AKR7A3: variants seen among roughly 807,000 people sequenced by gnomAD.
The protein encoded by AKR7A3 is aldo-keto reductase family 7 member A3, also known as AFB1 aldehyde reductase 2.
A neutral mutation model predicts 32.5 loss-of-function variants in AKR7A3; 37 were observed. That is an observed-to-expected ratio of 1.14 (90% CI 0.88 to 1.50). The LOEUF (loss-of-function observed/expected upper bound fraction) is 1.50, where lower values mean the gene tolerates loss of function less well. Ranked by LOEUF, AKR7A3 falls within the 40% of genes most tolerant of loss-of-function variation. The probability of loss-of-function intolerance (pLI) is 0.00; values close to 1 mark genes in which losing one functional copy is unlikely to be tolerated. For missense variants in AKR7A3, 412 were observed against 453.2 expected (o/e 0.91, Z 0.83); for synonymous variants, 177 against 188.4 (o/e 0.94, Z 0.50).
intron 1 of AKR7A3, among the ~76,000 whole-genome samples, chr1:19,287,395 G>A (rs535449911): frequency 3.0e-4 from 45 of 151,620 alleles, no homozygotes; most frequent in Admixed American, 1.2e-3. Context: ...TGGGATGCAC[G>A]CACAGGCCAG....
the AKR7A3 span, among the ~76,000 whole-genome samples, chr1:19,274,744 G>C: frequency 6.7e-6 from 1 of 150,112 alleles, no homozygotes; most frequent in Admixed American, 6.6e-5. Context: ...CCAGGAGTTT[G>C]AATCCAGCCT....
At chr1:19,288,456 C>T (rs2093734923) in intron 1 of AKR7A3, 40 bp downstream of exon 1, 1 of 1,602,134 alleles carries the variant, frequency 6.2e-7, no homozygotes, top group Non-Finnish European at 8.5e-7. Flanking sequence ...ACAGGCTCAG[C>T]TCTGCACCGT....
the AKR7A3 span, among the ~76,000 whole-genome samples, chr1:19,276,589 G>A: frequency 2.6e-5 from 4 of 151,160 alleles, no homozygotes; most frequent in South Asian, 8.4e-4. Flanking sequence ...ATCACTTGAG[G>A]TCAGGCGTTC....
intron 6 of AKR7A3, 61 bp from the exon 7 acceptor site, chr1:19,282,953 C>A (rs1774084): frequency 3.8e-6 from 6 of 1,590,008 alleles, no homozygotes; most frequent in Non-Finnish European, 4.3e-6. Flanking sequence ...TACTCACAGC[C>A]GTCCCAGCCA....
chr1:19,278,266 A>T (rs977711524), downstream of AKR7A3, among the ~76,000 whole-genome samples: 2 of 151,768 alleles, frequency 1.3e-5, no homozygotes, highest in Non-Finnish European at 2.9e-5. Flanking sequence ...TTTTTTAAAA[A>T]CAACTGTATT....
At chr1:19,288,277 G>A (rs1316463703) in intron 1 of AKR7A3, among the ~76,000 whole-genome samples, 1 of 151,714 alleles carries the variant, frequency 6.6e-6, no homozygotes, top group African/African-American at 2.4e-5. Flanking sequence ...CGGAAGAGAA[G>A]AGAGACGAAC....
downstream of AKR7A3, among the ~76,000 whole-genome samples, chr1:19,281,057 G>A (rs550514779): frequency 2.5e-4 from 38 of 149,988 alleles, no homozygotes; most frequent in Middle Eastern, 0.014. Flanking sequence ...TGTTTTGTTC[G>A]GAGAATGGAA....
Position 19,287,712 on chromosome 1 carries a change from C to A in AKR7A3, c.214+784G>T, listed in dbSNP as rs112706524. Among the ~76,000 whole-genome samples the A allele has an allele frequency of 1.9e-4, 29 of 152,230 alleles. 1 individual carries two copies. Among genetic ancestry groups the A allele is most frequent in the African/African-American group, 7.0e-4 (29 of 41,478 alleles). ...GCCCACTGCCCTGACGCCCTTGCCC[C>A]TTGTACTCTTCCTGGCAAACTCCTA... is the stretch of plus-strand genomic sequence containing the variant. On this transcript the variant is annotated intron_variant, in intron 1 of 6. Coordinates refer to ENST00000361640, the MANE Select transcript of AKR7A3 (RefSeq NM_012067.3).
downstream of AKR7A3, among the ~76,000 whole-genome samples, chr1:19,281,626 C>T (rs1218621432): frequency 6.6e-6 from 1 of 151,728 alleles, no homozygotes; most frequent in Non-Finnish European, 1.5e-5. Context: ...CAGAGCGAGA[C>T]TCTATATCAA....
chr1:19,283,925 C>T (rs2093723331), intron 6 of AKR7A3, 71 bp downstream of exon 6: 1 of 1,599,602 alleles, frequency 6.3e-7, no homozygotes. Context: ...ACAAATGTTT[C>T]AGCCTTCATC....
At chr1:19,283,707 T>A (rs1489399287) in intron 6 of AKR7A3, among the ~76,000 whole-genome samples, 7 of 151,880 alleles carry the variant, frequency 4.6e-5, no homozygotes, top group Admixed American at 4.6e-4. Context: ...GGCGCACGCC[T>A]GTAATCCCAG....
downstream of AKR7A3, among the ~76,000 whole-genome samples, chr1:19,278,117 ATTCAT>A (rs1428203176): frequency 1.3e-5 from 2 of 151,724 alleles, no homozygotes; most frequent in African/African-American, 4.9e-5. Context: ...TAGGTGGGTG[ATTCAT>A]TTGAGTTAGT....
downstream of AKR7A3, among the ~76,000 whole-genome samples, chr1:19,279,114 G>A (rs1210131883): frequency 6.6e-6 from 1 of 151,726 alleles, no homozygotes; most frequent in Non-Finnish European, 1.5e-5. Context: ...GTGTGCCACA[G>A]AACCCAGCTA....
At chr1:19,277,713 G>A (rs575528095), downstream of AKR7A3, among the ~76,000 whole-genome samples, 23 of 151,908 alleles carry the variant, frequency 1.5e-4, 1 homozygote, top group South Asian at 4.2e-4. Flanking sequence ...TAGAGACAGC[G>A]TCTCGCCATG....
the AKR7A3 span, among the ~76,000 whole-genome samples, chr1:19,276,297 G>A: frequency 2.8e-5 from 4 of 141,950 alleles, no homozygotes; most frequent in Non-Finnish European, 6.0e-5. Flanking sequence ...GGAGGCAGAG[G>A]TTGCAGTGAG....
chr1:19,277,155 G>A, the AKR7A3 span, among the ~76,000 whole-genome samples: 1 of 151,684 alleles, frequency 6.6e-6, no homozygotes, highest in Non-Finnish European at 1.5e-5. Context: ...AATTTGAAAG[G>A]ATTTAAATAA....
chr1:19,281,499 G>A (rs958531990), downstream of AKR7A3, among the ~76,000 whole-genome samples: 6 of 151,698 alleles, frequency 4.0e-5, no homozygotes, highest in Non-Finnish European at 5.9e-5. Context: ...AACCAGGTGG[G>A]TGGCTCACAC....
At chr1:19,283,472 A>G (rs942312064) in intron 6 of AKR7A3, among the ~76,000 whole-genome samples, 1 of 152,008 alleles carries the variant, frequency 6.6e-6, no homozygotes, top group African/African-American at 2.4e-5. Context: ...ATAAAGCTGA[A>G]GGAATAATGA....
chr1:19,288,766 A>G lies in AKR7A3; in HGVS notation c.-57T>C. The G allele has an allele frequency of 1.4e-6, 2 of 1,408,934 alleles. No individual in the cohort carries two copies. Among genetic ancestry groups the G allele is most frequent in the Non-Finnish European group, 1.8e-6 (2 of 1,086,700 alleles). The allele number at this position is 1,408,934 out of a possible 1,614,324, so 87.3% of individuals were successfully genotyped here. A position where few individuals can be genotyped will look rare whatever the true frequency, so the allele number is the denominator to read the frequency against. On this transcript the variant is annotated 5_prime_UTR_variant, in exon 1 of 7. Transcript: ENST00000361640. ...GGAGCCGCGCGCAGCGGTCGGAAGC[A>G]CCAGGCTCGGAGCGGGCGGCCTCGT...
Sources: gnomAD v4.1 joint callset for allele counts (sites outside exome capture counted in the v4.1 genomes callset) on GRCh38, gnomAD v4.1.1 for gene constraint, MANE v1.5 for transcripts, NCBI Gene and HGNC (gene_info 2026-07-23, HGNC 2026-07-21) for gene names.